The following LNPK variants were observed in gnomAD, a reference collection of about 807,000 sequenced individuals.
The protein encoded by LNPK is endoplasmic reticulum junction formation protein lunapark.
A neutral mutation model predicts 55.2 loss-of-function variants in LNPK; 29 were observed. The observed-to-expected ratio is 0.53, with a 90% CI of 0.39 to 0.72. The LOEUF (loss-of-function observed/expected upper bound fraction) is 0.72. Ranked by LOEUF, LNPK falls within the 30% of genes least tolerant of loss-of-function variation. The pLI is 0.00. For missense variants in LNPK, 467 were observed against 494.8 expected (o/e 0.94, Z 0.53); for synonymous variants, 162 against 168.2 (o/e 0.96, Z 0.29).
chr2:175,957,526 A>G (rs1420810201), intron 8 of LNPK, among the ~76,000 whole-genome samples: 1 of 151,582 alleles, frequency 6.6e-6, no homozygotes, highest in East Asian at 1.9e-4. Flanking sequence ...GACAGTTCCA[A>G]ATCAATTCTC....
At chr2:175,980,904 C>CAAAAA (rs369143349) in intron 4 of LNPK, among the ~76,000 whole-genome samples, 5 of 99,550 alleles carry the variant, frequency 5.0e-5, no homozygotes, top group Non-Finnish European at 7.7e-5. Flanking sequence ...AAGACTGTCC[C>CAAAAA]AAAAAAAAAA....
intron 9 of LNPK, among the ~76,000 whole-genome samples, chr2:175,947,053 A>G (rs1461757119): frequency 6.6e-6 from 1 of 152,210 alleles, no homozygotes; most frequent in East Asian, 1.9e-4. Context: ...AAAGTATACA[A>G]TACAGGAGTA....
At chr2:175,980,090 T>A (rs1452470152) in intron 4 of LNPK, among the ~76,000 whole-genome samples, 2 of 152,222 alleles carry the variant, frequency 1.3e-5, no homozygotes, top group Non-Finnish European at 2.9e-5. Flanking sequence ...GATGATCCCC[T>A]TAAATTACAA....
intron 4 of LNPK, among the ~76,000 whole-genome samples, chr2:175,990,270 C>T (rs942462286): frequency 6.6e-6 from 1 of 152,134 alleles, no homozygotes; most frequent in Non-Finnish European, 1.5e-5. Flanking sequence ...AGAGTTTGCC[C>T]TCTATTAGTT....
intron 9 of LNPK, among the ~76,000 whole-genome samples, chr2:175,945,510 G>GAAAAAAAAAAA (rs758611547): frequency 1.9e-5 from 2 of 105,086 alleles, no homozygotes; most frequent in Non-Finnish European, 3.8e-5. Flanking sequence ...TGTCTCAAAA[G>GAAAAAAAAAAA]AAAAAAAAAA....
At chr2:175,933,030 A>G (rs1053054285) in intron 12 of LNPK, among the ~76,000 whole-genome samples, 1 of 152,124 alleles carries the variant, frequency 6.6e-6, no homozygotes, top group African/African-American at 2.4e-5. Flanking sequence ...AAAATTTTAA[A>G]ATCGACTCTG....
At chr2:175,959,818 T>A (rs1685913006) in intron 8 of LNPK, among the ~76,000 whole-genome samples, 1 of 151,942 alleles carries the variant, frequency 6.6e-6, no homozygotes, top group Non-Finnish European at 1.5e-5. Flanking sequence ...GAAACCCATC[T>A]CATGTGCAGA....
At chr2:175,976,298 A>T (rs943746625) in intron 5 of LNPK, among the ~76,000 whole-genome samples, 13 of 152,238 alleles carry the variant, frequency 8.5e-5, no homozygotes, top group African/African-American at 3.1e-4. Context: ...AATGAATTAG[A>T]ACTGTAGTAG....
chr2:175,929,889 A>C lies in LNPK; in HGVS notation c.*78T>G. The C allele has an allele frequency of 6.3e-7, 1 of 1,577,716 alleles. No homozygotes were observed. The highest frequency in any genetic ancestry group is 2.3e-5 in the East Asian group (1 of 44,348). On this transcript the variant is annotated 3_prime_UTR_variant, in exon 13 of 13. Coordinates refer to ENST00000272748, the MANE Select transcript of LNPK (RefSeq NM_030650.3). ...AGCATACCCTTAGAGGGGCAAAAAA[A>C]GTAAGTGCCACCGAAAAAGCAATAA... is the stretch of plus-strand genomic sequence containing the variant.
At chr2:175,988,434 C>T (rs545864831) in intron 4 of LNPK, among the ~76,000 whole-genome samples, 6 of 150,358 alleles carry the variant, frequency 4.0e-5, no homozygotes, top group African/African-American at 1.5e-4. Context: ...ATTGCTTGAG[C>T]CTGGGAGGCA....
At chr2:175,983,609 A>G (rs1329618920) in intron 4 of LNPK, among the ~76,000 whole-genome samples, 1 of 152,218 alleles carries the variant, frequency 6.6e-6, no homozygotes, top group Non-Finnish European at 1.5e-5. Context: ...TTCACACTGT[A>G]ACACCAGACA....
At chr2:175,957,747 G>A (rs558873307) in intron 8 of LNPK, among the ~76,000 whole-genome samples, 1 of 152,316 alleles carries the variant, frequency 6.6e-6, no homozygotes, top group South Asian at 2.1e-4. Flanking sequence ...GCTGAAGCAG[G>A]GCGGGGCATT....
chr2:175,964,477 A>G, intron 7 of LNPK, 29 bp downstream of exon 7: 1 of 1,588,802 alleles, frequency 6.3e-7, no homozygotes, highest in Non-Finnish European at 8.6e-7. Flanking sequence ...GTAATTTATA[A>G]TAAAATAGTA....
chr2:175,951,644 A>G (rs1489401237), intron 8 of LNPK, among the ~76,000 whole-genome samples: 1 of 139,286 alleles, frequency 7.2e-6, no homozygotes, highest in African/African-American at 2.8e-5. Context: ...GGTTAATGAC[A>G]TTTGGGTTGG....
Position 175,929,828 on chromosome 2 carries a change from C to T in LNPK, c.*139G>A. 1 of 1,459,118 alleles carries T rather than the reference C, an allele frequency of 6.9e-7. No individual in the cohort carries two copies. The highest frequency in any genetic ancestry group is 2.5e-5 in the East Asian group (1 of 40,428). 90.4% of individuals were successfully genotyped at this position (1,459,118 alleles called of 1,614,324 possible). A position where few individuals can be genotyped will look rare whatever the true frequency, so the allele number is the denominator to read the frequency against. On this transcript the variant is annotated 3_prime_UTR_variant, in exon 13 of 13. Transcript: ENST00000272748. Reference sequence around the variant, plus strand: ...CCAGTATATATAACTTTGAGATGTTCAAATAGCTAGGCAATCTGAATTCAA... The same window carrying T: ...CCAGTATATATAACTTTGAGATGTTTAAATAGCTAGGCAATCTGAATTCAA...
At chr2:175,989,469 C>T (rs62187027) in intron 4 of LNPK, among the ~76,000 whole-genome samples, 34,068 of 151,718 alleles carry the variant, frequency 0.22, 4,086 homozygotes, top group East Asian at 0.31. Context: ...ATAAGGTATC[C>T]GAAAGTAAAA....
At chr2:175,970,066 T>C (rs1559056870) in intron 6 of LNPK, among the ~76,000 whole-genome samples, 1 of 152,214 alleles carries the variant, frequency 6.6e-6, no homozygotes, top group Non-Finnish European at 1.5e-5. Context: ...TACAACATAA[T>C]ACTATCAGCA....
chr2:175,990,258 C>G (rs535979031), intron 4 of LNPK, among the ~76,000 whole-genome samples: 7 of 152,186 alleles, frequency 4.6e-5, no homozygotes, highest in African/African-American at 1.7e-4. Context: ...TGGGGCATGG[C>G]GAGAGTTTGC....
intron 8 of LNPK, among the ~76,000 whole-genome samples, chr2:175,950,553 C>A (rs1375773736): frequency 6.6e-6 from 1 of 151,858 alleles, no homozygotes; most frequent in African/African-American, 2.4e-5. Flanking sequence ...AAATAGAATC[C>A]AAATGATATA....
Sources: gnomAD v4.1 joint callset for allele counts (sites outside exome capture counted in the v4.1 genomes callset) on GRCh38, gnomAD v4.1.1 for gene constraint, MANE v1.5 for transcripts, NCBI Gene and HGNC (gene_info 2026-07-23, HGNC 2026-07-21) for gene names.